The following MAP3K1 variants were observed in gnomAD, a reference collection of about 807,000 sequenced individuals.
The protein encoded by MAP3K1 is mitogen-activated protein kinase kinase kinase 1.
A neutral mutation model predicts 144.2 loss-of-function variants in MAP3K1; 36 were observed. That is an observed-to-expected ratio of 0.25 (90% CI 0.19 to 0.33). MAP3K1 has a LOEUF of 0.33. Among genes scored for constraint, MAP3K1 ranks in the 10% least tolerant of loss-of-function variants. The pLI, the probability that MAP3K1 is intolerant of heterozygous loss-of-function variation, is 1.00. For synonymous variants in MAP3K1, 718 were observed against 688.7 expected, an observed-to-expected ratio of 1.04 and a Z score of -0.67; for missense variants, 1,650 against 1,881.9, an observed-to-expected ratio of 0.88 and a Z score of 2.28.
At chr5:56,842,008 C>A (rs1438111355) in intron 1 of MAP3K1, 1 of 152,124 alleles carries the variant, frequency 6.6e-6, no homozygotes, top group African/African-American at 2.4e-5. Context: ...AGCCAGAAAA[C>A]CTTCACCTGT....
rs201159436 is a variant in MAP3K1, at chr5:56,883,643, A to G, written c.3783A>G (p.Gln1261=). Residue 1261 remains glutamine, a synonymous_variant, in exon 15 of 20, where the codon CAA becomes CAG. Coordinates refer to ENST00000399503, the MANE Select transcript of MAP3K1 (RefSeq NM_005921.2). ...LGAFSSCYQA[Q]DVGTGTLMAV... ...CATTTTCTTCTTGTTATCAGGCTCA[A>G]GATGTGGGAACTGGAACTTTAATGG... 863 of 1,614,140 alleles carry G rather than the reference A, an allele frequency of 5.3e-4. 5 individuals carry two copies. Among genetic ancestry groups the G allele is most frequent in the Middle Eastern group, 5.3e-3 (32 of 6,062 alleles).
At chr5:56,846,007 C>T (rs933929548) in intron 1 of MAP3K1, among the ~76,000 whole-genome samples, 1 of 152,192 alleles carries the variant, frequency 6.6e-6, no homozygotes, top group Non-Finnish European at 1.5e-5. Context: ...AAGCTGATTA[C>T]TCTGATGAGT....
intron 1 of MAP3K1, among the ~76,000 whole-genome samples, chr5:56,854,993 A>G (rs1216090158): frequency 6.6e-6 from 1 of 152,198 alleles, no homozygotes; most frequent in African/African-American, 2.4e-5. Flanking sequence ...GTCACCACAT[A>G]AATTCAGTTG....
intron 1 of MAP3K1, among the ~76,000 whole-genome samples, chr5:56,822,891 C>T (rs1746196511): frequency 6.6e-6 from 1 of 152,196 alleles, no homozygotes; most frequent in South Asian, 2.1e-4. Context: ...CCTCCTCTCA[C>T]CTCGTCAGAT....
rs1561200648 is a variant in MAP3K1 at position 56,882,636 on chromosome 5, A to G, written c.3436A>G (p.Thr1146Ala). ...LEASMPSSDT[T>A]VTFKSEVAVL... Reference sequence around the variant, plus strand: ...AGCATCTATGCCTTCAAGTGATACAACAGTAACTTTTAAGTCAGAAGTTGC... The same window carrying G: ...AGCATCTATGCCTTCAAGTGATACAGCAGTAACTTTTAAGTCAGAAGTTGC... The change falls in exon 14 of 20, where the codon ACA (threonine) becomes GCA (alanine). Residue 1146 changes from threonine (T) to alanine (A), a missense_variant. Physicochemically the swap from Thr to Ala is moderately conservative, Grantham distance 58. Transcript: ENST00000399503. 1.2e-6 allele frequency: 2 copies of G among 1,614,172 alleles called. No homozygotes were observed. Among genetic ancestry groups the G allele is most frequent in the Non-Finnish European group, 1.7e-6 (2 of 1,180,018 alleles).
At position 56,859,792 on chromosome 5, in the gene MAP3K1, G is replaced by A. The variant is rs971628927; in HGVS notation, c.711G>A (p.Gln237=). Residue 237 remains glutamine (Q), a synonymous_variant, in exon 3 of 20, where the codon CAG becomes CAA. Transcript: ENST00000399503. ...CAGCTGAGTCTCCAGGAGAGGTCCAGGCAAGTGCGGCTTCACCAGCTTCCA... is the reference window on the plus strand; with the variant it reads ...CAGCTGAGTCTCCAGGAGAGGTCCAAGCAAGTGCGGCTTCACCAGCTTCCA... The part of the protein sequence containing the change: ...HLAAESPGEV[Q]ASAASPASKG... 15 of 1,613,986 alleles carry A rather than the reference G, an allele frequency of 9.3e-6. No individual in the cohort carries two copies. The Admixed American group carries it at 2.0e-4, about 22-fold the overall frequency.
chr5:56,871,298 T>C (rs929103080), intron 6 of MAP3K1, among the ~76,000 whole-genome samples: 1 of 152,166 alleles, frequency 6.6e-6, no homozygotes, highest in African/African-American at 2.4e-5. Flanking sequence ...TTGATTTCTT[T>C]TCGTTATTCT....
chr5:56,820,604 G>A, intron 1 of MAP3K1: 1 of 984,104 alleles, frequency 1.0e-6, no homozygotes, highest in Non-Finnish European at 1.2e-6. Flanking sequence ...TTATTGATTT[G>A]TGCTGTATTA....
intron 18 of MAP3K1, 58 bp downstream of exon 18, chr5:56,887,578 A>T: frequency 6.4e-7 from 1 of 1,566,420 alleles, no homozygotes. Context: ...GTGTAACAGC[A>T]TTATACTAAA....
At chr5:56,842,726 T>C (rs1338107622) in intron 1 of MAP3K1, among the ~76,000 whole-genome samples, 1 of 152,184 alleles carries the variant, frequency 6.6e-6, no homozygotes, top group African/African-American at 2.4e-5. Flanking sequence ...AGGAGAATAA[T>C]GGGAGGAACT....
intron 10 of MAP3K1, among the ~76,000 whole-genome samples, chr5:56,877,977 A>ACGTAT: frequency 6.6e-6 from 1 of 152,338 alleles, no homozygotes; most frequent in East Asian, 1.9e-4. Context: ...GATGGAAGTT[A>ACGTAT]CGTATTTTTC....
At chr5:56,848,782 C>G (rs1238012375) in intron 1 of MAP3K1, among the ~76,000 whole-genome samples, 1 of 152,078 alleles carries the variant, frequency 6.6e-6, no homozygotes, top group Non-Finnish European at 1.5e-5. Flanking sequence ...TGTGCATGAC[C>G]ATGTGGAATA....
chr5:56,842,012 C>T (rs1579732867), intron 1 of MAP3K1: 1 of 152,174 alleles, frequency 6.6e-6, no homozygotes, highest in South Asian at 2.1e-4. Context: ...AGAAAACCTT[C>T]ACCTGTATTT....
intron 1 of MAP3K1, among the ~76,000 whole-genome samples, chr5:56,846,399 C>T (rs1014871012): frequency 2.6e-5 from 4 of 152,188 alleles, no homozygotes; most frequent in African/African-American, 7.2e-5. Context: ...CGCTTGAAAA[C>T]AAGTCTTCCT....
chr5:56,886,942 G>A (rs1011952406), intron 17 of MAP3K1, among the ~76,000 whole-genome samples: 5 of 151,904 alleles, frequency 3.3e-5, no homozygotes, highest in Admixed American at 3.3e-4. Flanking sequence ...TATATTTTTT[G>A]TAGAGATGGG....
At chr5:56,859,134 T>C (rs1187025011) in intron 2 of MAP3K1, among the ~76,000 whole-genome samples, 1 of 150,984 alleles carries the variant, frequency 6.6e-6, no homozygotes, top group Non-Finnish European at 1.5e-5. Flanking sequence ...TCTTTAAACT[T>C]CTAGTCTCTT....
intron 18 of MAP3K1, 44 bp downstream of exon 18, chr5:56,887,564 T>C: frequency 6.2e-7 from 1 of 1,609,692 alleles, no homozygotes; most frequent in Non-Finnish European, 8.5e-7. Flanking sequence ...TATTTTGGAA[T>C]TCTGTGTAAC....
At chr5:56,880,898 G>C in intron 12 of MAP3K1, 96 bp downstream of exon 12, 1 of 1,127,022 alleles carries the variant, frequency 8.9e-7, no homozygotes, top group Non-Finnish European at 1.3e-6. Context: ...CAGTTTACAG[G>C]ATTTTGAAGT....
At chr5:56,879,350 C>A (rs1295355178) in intron 11 of MAP3K1, among the ~76,000 whole-genome samples, 1 of 152,194 alleles carries the variant, frequency 6.6e-6, no homozygotes, top group Non-Finnish European at 1.5e-5. Context: ...GATTTACTCT[C>A]TTTAGTAACA....
Sources: allele counts gnomAD v4.1 joint callset (sites outside exome capture counted in the v4.1 genomes callset), GRCh38; gene constraint gnomAD v4.1.1; transcripts MANE v1.5; gene names NCBI Gene and HGNC (gene_info 2026-07-23, HGNC 2026-07-21).